The following ANKRD44 variants were observed in gnomAD, a reference collection of about 807,000 sequenced individuals.
The protein encoded by ANKRD44 is serine/threonine-protein phosphatase 6 regulatory ankyrin repeat subunit B.
ANKRD44 carries 35 observed loss-of-function variants against 116.0 expected under a neutral mutation model. The ratio of observed to expected loss-of-function variants is 0.30; its 90% CI spans 0.23 to 0.40. The LOEUF (loss-of-function observed/expected upper bound fraction) is 0.40. ANKRD44 is among the 10% of genes least tolerant of loss of function. The pLI, the probability that ANKRD44 is intolerant of heterozygous loss-of-function variation, is 1.00. For missense variants in ANKRD44, 1,014 were observed against 1,242.6 expected, an observed-to-expected ratio of 0.82 and a Z score of 2.77; for synonymous variants, 435 against 461.8, an observed-to-expected ratio of 0.94 and a Z score of 0.74.
chr2:197,175,957 A>G (rs552544242), intron 2 of ANKRD44, among the ~76,000 whole-genome samples: 1 of 152,138 alleles, frequency 6.6e-6, no homozygotes, highest in Non-Finnish European at 1.5e-5. Context: ...TCACCACCTA[A>G]TGCAGTTCCG....
chr2:196,990,603 C>G (rs1179674655), intron 27 of ANKRD44: 2 of 1,231,252 alleles, frequency 1.6e-6, no homozygotes, highest in Admixed American at 4.2e-5. Flanking sequence ...TACTTGAATA[C>G]AACATAAACC....
chr2:197,089,971 A>G lies in ANKRD44; in HGVS notation c.1162T>C (p.Cys388Arg). Residue 388 changes from cysteine (C) to arginine (R), a missense_variant, in exon 11 of 28, where the codon TGC becomes CGC. Cys to Arg is a radical substitution (Grantham distance 180, BLOSUM62 -3). Coordinates refer to ENST00000282272, the MANE Select transcript of ANKRD44 (RefSeq NM_001195144.2). ...TTACCCGATGATAACAACTTTCTGC[A>G]GCAGTCAGAGTGAGCATTTAGGGCA... ...LAALNAHSDC[C>R]RKLLSSGFEI... 1.9e-6 allele frequency: 3 copies of G among 1,614,104 alleles called. No individual in the cohort carries two copies. Among genetic ancestry groups the G allele is most frequent in the Non-Finnish European group, 2.5e-6 (3 of 1,179,932 alleles).
At chr2:197,307,406 T>C (rs1284366864) in intron 1 of ANKRD44, among the ~76,000 whole-genome samples, 1 of 152,102 alleles carries the variant, frequency 6.6e-6, no homozygotes, top group Non-Finnish European at 1.5e-5. Flanking sequence ...GGATGGTTAG[T>C]GCCCCCTAAG....
chr2:197,288,457 T>G (rs950244138), intron 1 of ANKRD44, among the ~76,000 whole-genome samples: 2 of 152,178 alleles, frequency 1.3e-5, no homozygotes, highest in South Asian at 4.1e-4. Context: ...AAATAACTTC[T>G]ATATGACCTA....
chr2:196,989,723 T>C, intron 27 of ANKRD44, 74 bp from the exon 28 acceptor site: 4 of 1,538,332 alleles, frequency 2.6e-6, no homozygotes, highest in Non-Finnish European at 3.5e-6. Context: ...CGGTTTTACA[T>C]GCTAAATCAC....
rs1226624390 is a variant in ANKRD44, at chr2:196,973,374, CCTTT to C, written c.2369-5932_2369-5929del. Among the ~76,000 whole-genome samples the C allele has an allele frequency of 4.0e-5, 6 of 151,832 alleles. No homozygotes were observed. The East Asian group carries it at 9.6e-4, about 24-fold the overall frequency. Reference sequence around the variant, plus strand: ...CTATCATTTTTATTAAAAATATTTCCCTTTCTATCATTTGACTTTAACTTTGCTT... The same window carrying C: ...CTATCATTTTTATTAAAAATATTTCCCTATCATTTGACTTTAACTTTGCTT... On this transcript the variant is annotated intron_variant, in intron 21 of 21. Transcript: ENST00000424317.
At chr2:197,008,646 A>C (rs1427591703) in intron 19 of ANKRD44, among the ~76,000 whole-genome samples, 1 of 152,194 alleles carries the variant, frequency 6.6e-6, no homozygotes, top group Non-Finnish European at 1.5e-5. Flanking sequence ...CTTCAGAAGA[A>C]GGTAAAAATG....
chr2:197,240,247 T>C lies in ANKRD44; in HGVS notation c.28-53141A>G, dbSNP rs560946901. ...AAAATGAGCTGGGCGTGGTGGTGTG[T>C]GCCTGTAATCCCAGCTACTCAGGAG... On this transcript the variant is annotated intron_variant, in intron 1 of 27. Coordinates refer to ENST00000282272, the MANE Select transcript of ANKRD44 (RefSeq NM_001195144.2). 9.9e-5 allele frequency among the ~76,000 whole-genome samples: 15 copies of C among 151,712 alleles called. No individual in the cohort carries two copies. In the East Asian group the frequency reaches 2.3e-3, roughly 24 times the overall value.
intron 16 of ANKRD44, among the ~76,000 whole-genome samples, chr2:197,038,883 C>T (rs539507425): frequency 2.6e-5 from 4 of 151,904 alleles, no homozygotes; most frequent in Non-Finnish European, 4.4e-5. Flanking sequence ...ATTGCAGAAG[C>T]GAAAAGGGTT....
In ANKRD44 at chr2:197,125,857, C is replaced by A; in HGVS notation, c.442G>T (p.Ala148Ser). 1.2e-6 allele frequency: 2 copies of A among 1,614,104 alleles called. No homozygotes were observed. The highest frequency in any genetic ancestry group is 1.7e-6 in the Non-Finnish European group (2 of 1,180,048). Residue 148 changes from alanine to serine, a missense_variant, in exon 5 of 28, where the codon GCT becomes TCT. Coordinates refer to ENST00000282272, the MANE Select transcript of ANKRD44 (RefSeq NM_001195144.2). ...RGGRTALHHA[A>S]LNGHVEMVNL... ...CCCACCTCCACGTGGCCGTTCAGAG[C>A]CGCATGGTGCAAGGCTGTGCGCCCC...
rs778163882 is a variant in ANKRD44 at position 197,013,632 on chromosome 2, G to A, written c.1803C>T (p.Arg601=). 1.2e-6 allele frequency: 2 copies of A among 1,614,150 alleles called. No individual in the cohort carries two copies. The highest frequency in any genetic ancestry group is 2.2e-5 in the South Asian group (2 of 91,078). Residue 601 remains arginine (R), a synonymous_variant, in exon 18 of 28, where the codon CGC becomes CGT. Transcript: ENST00000282272. ...TAAAGGCAGCCAGATCCAGAGCAGT[G>A]CGGCCTTTCTCATCCCTGATGTCCA... is the stretch of plus-strand genomic sequence containing the variant. ...VDLDIRDEKG[R]TALDLAAFKG... is the part of the protein sequence containing the mutation.
chr2:197,219,516 G>A (rs999650007), intron 1 of ANKRD44, among the ~76,000 whole-genome samples: 13 of 151,730 alleles, frequency 8.6e-5, no homozygotes, highest in East Asian at 1.9e-4. Context: ...TGTTACTTGC[G>A]TCCAAAAAAA....
chr2:197,157,576 G>A (rs761442238), intron 2 of ANKRD44, among the ~76,000 whole-genome samples: 65 of 151,442 alleles, frequency 4.3e-4, no homozygotes, highest in Non-Finnish European at 7.4e-4. Context: ...TACTCAGGAG[G>A]CTGAGGCAGG....
intron 1 of ANKRD44, among the ~76,000 whole-genome samples, chr2:197,267,793 G>C (rs2082780860): frequency 6.6e-6 from 1 of 152,150 alleles, no homozygotes; most frequent in African/African-American, 2.4e-5. Context: ...CGTGCTGACT[G>C]TCCAAGGGAA....
In ANKRD44 at chr2:196,987,993, G is replaced by A. The variant is rs1460290283; in HGVS notation, c.*1598C>T. ...AGAAAGAGAGGAAGAGAGAGAGAGA[G>A]AGATCAGTTGATGTAATGAACAGTT... is the stretch of plus-strand genomic sequence containing the variant. On this transcript the variant is annotated 3_prime_UTR_variant, in exon 28 of 28. Transcript: ENST00000282272. 1.0e-6 allele frequency: 1 copy of A among 985,274 alleles called. No individual in the cohort carries two copies. The highest frequency in any genetic ancestry group is 1.2e-6 in the Non-Finnish European group (1 of 829,910). 61.0% of individuals were successfully genotyped at this position (985,274 alleles called of 1,614,324 possible). A position where few individuals can be genotyped will look rare whatever the true frequency, so the allele number is the denominator to read the frequency against.
chr2:197,053,235 C>T (rs537287084), intron 16 of ANKRD44, among the ~76,000 whole-genome samples: 4 of 152,276 alleles, frequency 2.6e-5, no homozygotes, highest in African/African-American at 9.6e-5. Flanking sequence ...CCCACACCCA[C>T]ATCCATTTGC....
chr2:197,198,869 A>T (rs1236926922), intron 1 of ANKRD44: 1 of 152,254 alleles, frequency 6.6e-6, no homozygotes. Flanking sequence ...TAGCCTCCTC[A>T]GGAGTGGCTG....
chr2:197,017,602 G>A (rs2076416994), intron 17 of ANKRD44, among the ~76,000 whole-genome samples: 1 of 152,162 alleles, frequency 6.6e-6, no homozygotes. Context: ...AATCCCAAAA[G>A]TATATCCCAG....
At chr2:197,146,888 A>T in intron 3 of ANKRD44, 139 bp downstream of exon 3, 1 of 578,834 alleles carries the variant, frequency 1.7e-6, no homozygotes, top group Non-Finnish European at 3.0e-6. Flanking sequence ...TCTTTGTGTA[A>T]TGATAAAATC....
Sources: gnomAD v4.1 joint callset for allele counts (sites outside exome capture counted in the v4.1 genomes callset) on GRCh38, gnomAD v4.1.1 for gene constraint, MANE v1.5 for transcripts, NCBI Gene and HGNC (gene_info 2026-07-23, HGNC 2026-07-21) for gene names.